Variants in VWA3B observed in about 807,000 individuals in gnomAD.
VWA3B encodes the protein von Willebrand factor A domain-containing protein 3B.
Under a neutral mutation model 158.3 loss-of-function variants are expected in VWA3B, and 138 were observed. The ratio of observed to expected loss-of-function variants is 0.87; its 90% confidence interval spans 0.76 to 1.00. The LOEUF (loss-of-function observed/expected upper bound fraction) is 1.00. VWA3B is among the 50% of genes least tolerant of loss of function. The probability of loss-of-function intolerance (pLI) is 0.00; values close to 1 mark genes in which losing one functional copy is unlikely to be tolerated. For synonymous variants in VWA3B, 596 were observed against 587.3 expected (o/e 1.01, Z -0.21); for missense variants, 1,555 against 1,565.1 (o/e 0.99, Z 0.11).
At chr2:98,111,844 A>G (rs962754277) in intron 2 of VWA3B, among the ~76,000 whole-genome samples, 1 of 152,070 alleles carries the variant, frequency 6.6e-6, no homozygotes, top group Non-Finnish European at 1.5e-5. Context: ...ATATTTGCAA[A>G]TATTTTCTTT....
At chr2:98,113,346 T>C (rs1349381056) in intron 2 of VWA3B, among the ~76,000 whole-genome samples, 1 of 152,128 alleles carries the variant, frequency 6.6e-6, no homozygotes, top group African/African-American at 2.4e-5. Context: ...CCTGCAGTTG[T>C]CTCTTCAGAA....
chr2:98,161,128 A>G (rs1678541423), intron 7 of VWA3B, among the ~76,000 whole-genome samples: 1 of 152,216 alleles, frequency 6.6e-6, no homozygotes, highest in Admixed American at 6.5e-5. Flanking sequence ...ATTGGGCATC[A>G]GTTAATTATC....
At chr2:98,129,259 GGA>G (rs1244834574) in intron 6 of VWA3B, among the ~76,000 whole-genome samples, 74 of 148,108 alleles carry the variant, frequency 5.0e-4, no homozygotes, top group South Asian at 8.7e-4. Context: ...GTGTGTGTGT[GGA>G]GAGAGAGGGA....
chr2:98,230,265 A>G, intron 16 of VWA3B, 58 bp downstream of exon 16: 1 of 1,427,038 alleles, frequency 7.0e-7, no homozygotes, highest in Non-Finnish European at 9.2e-7. Flanking sequence ...GCAAGAAGAT[A>G]GAATAAAACT....
chr2:98,270,849 C>T lies in VWA3B; in HGVS notation c.3011C>T (p.Ala1004Val). Residue 1004 changes from alanine to valine, a missense_variant, in exon 22 of 28, where the codon GCC (alanine) becomes GTC (valine). Coordinates refer to ENST00000477737, the MANE Select transcript of VWA3B (RefSeq NM_144992.5). ...IQQAMELQEA[A>V]KKNYANKAPG... Reference sequence around the variant, plus strand: ...CAGGCCATGGAACTCCAGGAGGCTGCCAAGAAGAATTATGCAAACAAGGCC... The same window carrying T: ...CAGGCCATGGAACTCCAGGAGGCTGTCAAGAAGAATTATGCAAACAAGGCC... The T allele has an allele frequency of 6.2e-7, 1 of 1,613,988 alleles. No homozygotes were observed. Among genetic ancestry groups the T allele is most frequent in the Non-Finnish European group, 8.5e-7 (1 of 1,179,930 alleles).
At chr2:98,193,809 C>T (rs1472699237) in intron 11 of VWA3B, among the ~76,000 whole-genome samples, 1 of 151,898 alleles carries the variant, frequency 6.6e-6, no homozygotes, top group African/African-American at 2.4e-5. Context: ...AAGATGGTCT[C>T]GATCTCCTGA....
chr2:98,266,753 G>T (rs1401021103), intron 21 of VWA3B, among the ~76,000 whole-genome samples: 1 of 110,310 alleles, frequency 9.1e-6, no homozygotes, highest in Non-Finnish European at 1.9e-5. Context: ...CCTTGAAGAG[G>T]TCCTTCACAT....
At chr2:98,213,542 G>A (rs552642570) in intron 13 of VWA3B, among the ~76,000 whole-genome samples, 1 of 152,342 alleles carries the variant, frequency 6.6e-6, no homozygotes, top group African/African-American at 2.4e-5. Flanking sequence ...TTTGGAAACA[G>A]TGAGTGAGAG....
intron 23 of VWA3B, among the ~76,000 whole-genome samples, chr2:98,292,420 G>GGACAGA (rs149444382): frequency 0.039 from 5,923 of 152,210 alleles, 167 homozygotes; most frequent in Middle Eastern, 0.075. Flanking sequence ...TCAGGGACAG[G>GGACAGA]TTATTTGAAA....
intron 8 of VWA3B, among the ~76,000 whole-genome samples, chr2:98,168,327 T>C (rs1679269816): frequency 6.6e-6 from 1 of 151,864 alleles, no homozygotes; most frequent in South Asian, 2.1e-4. Context: ...GCCTCAGATA[T>C]TGGACAATTA....
At chr2:98,152,043 T>C (rs976320843) in intron 7 of VWA3B, among the ~76,000 whole-genome samples, 17 of 152,216 alleles carry the variant, frequency 1.1e-4, no homozygotes, top group African/African-American at 4.1e-4. Context: ...AGGGAGTGAA[T>C]ACTGTACTGT....
intron 22 of VWA3B, among the ~76,000 whole-genome samples, chr2:98,273,916 A>G (rs945460575): frequency 1.3e-5 from 2 of 152,244 alleles, no homozygotes; most frequent in African/African-American, 2.4e-5. Flanking sequence ...ATTGTGTTCC[A>G]CTGAGTTCAT....
chr2:98,315,177 C>T (rs544389387), downstream of VWA3B, among the ~76,000 whole-genome samples: 1 of 152,092 alleles, frequency 6.6e-6, no homozygotes, highest in Non-Finnish European at 1.5e-5. Context: ...TTTCATAAAT[C>T]CTTGAACATG....
intron 7 of VWA3B, among the ~76,000 whole-genome samples, chr2:98,155,048 C>T (rs554766174): frequency 2.0e-5 from 3 of 152,278 alleles, no homozygotes; most frequent in Non-Finnish European, 2.9e-5. Flanking sequence ...AAGGAAGTCA[C>T]GGTTTAATGA....
the VWA3B span, among the ~76,000 whole-genome samples, chr2:98,321,748 C>A: frequency 6.6e-6 from 1 of 152,140 alleles, no homozygotes; most frequent in Non-Finnish European, 1.5e-5. Flanking sequence ...TGAGTTAATG[C>A]TGAAATGAGT....
chr2:98,208,004 T>G (rs1333996142), intron 12 of VWA3B, among the ~76,000 whole-genome samples: 1 of 152,174 alleles, frequency 6.6e-6, no homozygotes, highest in East Asian at 1.9e-4. Context: ...ATTTTTCTTT[T>G]CATCTCCATC....
Position 98,193,030 on chromosome 2 carries a change from C to T in VWA3B, c.1599C>T (p.Phe533=). 2.5e-6 allele frequency: 4 copies of T among 1,612,250 alleles called. No individual in the cohort carries two copies. Among genetic ancestry groups the T allele is most frequent in the South Asian group, 1.1e-5 (1 of 90,692 alleles). The stretch of plus-strand genomic sequence containing the variant: ...TGGTGAAGGACAAGATCATTCAGTT[C>T]ATACAGGTTAGATGGAACTGTCGGT... ...LDLVKDKIIQ[F]IQEQLKYKSK... Residue 533 remains phenylalanine, a synonymous_variant, in exon 11 of 28, where the codon TTC becomes TTT. Transcript: ENST00000477737.
rs200169150 is a variant in VWA3B at position 98,228,362 on chromosome 2, C to T, written c.2150+30C>T. 3.6e-5 allele frequency: 57 copies of T among 1,597,480 alleles called. No homozygotes were observed. In the Middle Eastern group the frequency reaches 1.7e-3, roughly 47 times the overall value. ...GCACCTCTGCCCGCCTGTCTCCCTG[C>T]GCTGAGGCCTCTTGAGAGCTGGGCT... On this transcript the variant is annotated intron_variant, in intron 15 of 27. Coordinates refer to ENST00000477737, the MANE Select transcript of VWA3B (RefSeq NM_144992.5).
At chr2:98,221,989 C>T (rs977057176) in intron 14 of VWA3B, among the ~76,000 whole-genome samples, 2 of 152,164 alleles carry the variant, frequency 1.3e-5, no homozygotes, top group African/African-American at 2.4e-5. Flanking sequence ...TTCCCCCATC[C>T]GTGGTGTTAG....
Sources: allele counts gnomAD v4.1 joint callset (sites outside exome capture counted in the v4.1 genomes callset), GRCh38; gene constraint gnomAD v4.1.1; transcripts MANE v1.5; gene names NCBI Gene and HGNC (gene_info 2026-07-23, HGNC 2026-07-21).